Variants in SNTG1 observed in about 807,000 individuals in gnomAD.
SNTG1 encodes gamma-1-syntrophin.
A neutral mutation model predicts 74.7 loss-of-function variants in SNTG1; 39 were observed. The ratio of observed to expected loss-of-function variants is 0.52; its 90% CI spans 0.40 to 0.68. The LOEUF (loss-of-function observed/expected upper bound fraction) is 0.68. Among genes scored for constraint, SNTG1 ranks in the 30% least tolerant of loss-of-function variants. SNTG1 has a pLI of 0.00. For missense variants in SNTG1, 685 were observed against 609.5 expected (o/e 1.12, Z -1.30); for synonymous variants, 254 against 217.1 (o/e 1.17, Z -1.49).
intron 2 of SNTG1, among the ~76,000 whole-genome samples, chr8:50,233,062 G>T (rs1300250152): frequency 1.3e-5 from 2 of 151,464 alleles, no homozygotes; most frequent in African/African-American, 4.8e-5. Flanking sequence ...AGACGTTATT[G>T]TTGTAAAATT....
chr8:50,766,699 G>A (rs1585742149), intron 18 of SNTG1, among the ~76,000 whole-genome samples: 1 of 151,802 alleles, frequency 6.6e-6, no homozygotes, highest in East Asian at 1.9e-4. Context: ...AACAATTAAT[G>A]CCAAAAATTG....
intron 2 of SNTG1, among the ~76,000 whole-genome samples, chr8:50,178,428 G>A (rs1030468245): frequency 6.6e-6 from 1 of 150,688 alleles, no homozygotes; most frequent in African/African-American, 2.4e-5. Context: ...CACACACACA[G>A]GGATAGTTTA....
At chr8:50,612,532 A>C (rs2094858008) in intron 13 of SNTG1, among the ~76,000 whole-genome samples, 1 of 152,208 alleles carries the variant, frequency 6.6e-6, no homozygotes, top group Non-Finnish European at 1.5e-5. Context: ...TTAGAAAAGA[A>C]TGTTCCACCT....
chr8:50,478,650 G>A (rs937236029), intron 8 of SNTG1, among the ~76,000 whole-genome samples: 2 of 152,150 alleles, frequency 1.3e-5, no homozygotes, highest in Non-Finnish European at 1.5e-5. Context: ...TAGTGCATGT[G>A]TGTGGCTGAA....
chr8:50,195,150 T>C (rs142271011), intron 2 of SNTG1, among the ~76,000 whole-genome samples: 209 of 152,180 alleles, frequency 1.4e-3, no homozygotes, highest in African/African-American at 4.7e-3. Context: ...GAGGTTCCCA[T>C]GTCACTGGAG....
At chr8:50,188,208 C>T (rs1411023035) in intron 2 of SNTG1, among the ~76,000 whole-genome samples, 3 of 152,130 alleles carry the variant, frequency 2.0e-5, no homozygotes, top group Non-Finnish European at 1.5e-5. Flanking sequence ...ATGCTCCTTC[C>T]CTAGACTTCC....
At chr8:50,315,434 A>T (rs997135580) in intron 2 of SNTG1, among the ~76,000 whole-genome samples, 1 of 150,110 alleles carries the variant, frequency 6.7e-6, no homozygotes, top group Non-Finnish European at 1.5e-5. Flanking sequence ...GTATAGTAAA[A>T]GAAATAAAAA....
chr8:50,401,457 T>C (rs2131349263), intron 3 of SNTG1, among the ~76,000 whole-genome samples: 1 of 152,310 alleles, frequency 6.6e-6, no homozygotes, highest in East Asian at 1.9e-4. Flanking sequence ...TTACCCAAAG[T>C]ATATAAAGCA....
At chr8:50,377,939 G>A (rs1438192659) in intron 2 of SNTG1, among the ~76,000 whole-genome samples, 1 of 152,200 alleles carries the variant, frequency 6.6e-6, no homozygotes, top group African/African-American at 2.4e-5. Context: ...TAATGCTATG[G>A]GATGCTTGAG....
chr8:50,611,185 T>TG (rs752304800), intron 13 of SNTG1, among the ~76,000 whole-genome samples: 14 of 152,168 alleles, frequency 9.2e-5, no homozygotes, highest in Non-Finnish European at 1.8e-4. Context: ...ATGTATCCTT[T>TG]GGCAAAGGGT....
At chr8:50,026,311 T>C (rs1290465815) in intron 1 of SNTG1, among the ~76,000 whole-genome samples, 2 of 152,208 alleles carry the variant, frequency 1.3e-5, no homozygotes, top group Non-Finnish European at 2.9e-5. Context: ...GTTCTTGTTC[T>C]GAAAAATCTT....
intron 2 of SNTG1, among the ~76,000 whole-genome samples, chr8:50,258,869 G>A (rs1160609574): frequency 6.6e-6 from 1 of 151,916 alleles, no homozygotes; most frequent in East Asian, 1.9e-4. Context: ...CAAAGAAAAA[G>A]GAGCAAAAAA....
At chr8:50,204,723 C>A (rs1304970689) in intron 2 of SNTG1, among the ~76,000 whole-genome samples, 1 of 152,030 alleles carries the variant, frequency 6.6e-6, no homozygotes, top group African/African-American at 2.4e-5. Flanking sequence ...TCCCCACTCC[C>A]CCAACCCCAT....
chr8:50,154,594 G>A (rs10098057), intron 1 of SNTG1, among the ~76,000 whole-genome samples: 66,120 of 152,028 alleles, frequency 0.43, 18,108 homozygotes, highest in African/African-American at 0.79. Context: ...AAGTCCTGTC[G>A]TTCCTCAAAT....
chr8:50,597,768 G>T (rs77506343), intron 13 of SNTG1, among the ~76,000 whole-genome samples: 2 of 151,768 alleles, frequency 1.3e-5, no homozygotes, highest in African/African-American at 4.8e-5. Flanking sequence ...CTGGTGTGAG[G>T]TGATACCTCA....
At chr8:50,577,840 T>C (rs2094585775) in intron 12 of SNTG1, among the ~76,000 whole-genome samples, 1 of 152,172 alleles carries the variant, frequency 6.6e-6, no homozygotes, top group African/African-American at 2.4e-5. Context: ...ATGTTGAGAT[T>C]ATACAAAGAA....
At chr8:50,581,772 C>A (rs963494738) in intron 12 of SNTG1, among the ~76,000 whole-genome samples, 4 of 152,176 alleles carry the variant, frequency 2.6e-5, no homozygotes, top group Non-Finnish European at 5.9e-5. Context: ...TCTTTGGTTT[C>A]ACAGACTCAA....
chr8:50,074,387 A>T (rs922399434), intron 1 of SNTG1, among the ~76,000 whole-genome samples: 4 of 152,156 alleles, frequency 2.6e-5, no homozygotes, highest in African/African-American at 9.7e-5. Context: ...TGATCTTCTA[A>T]CTATCTAGAT....
chr8:50,705,876 GT>G (rs1426888949), intron 16 of SNTG1, among the ~76,000 whole-genome samples: 3 of 152,296 alleles, frequency 2.0e-5, no homozygotes, highest in South Asian at 4.1e-4. Flanking sequence ...AAATTAAAAG[GT>G]TTTCATGCGC....
Sources: allele counts gnomAD v4.1 joint callset (sites outside exome capture counted in the v4.1 genomes callset), GRCh38; gene constraint gnomAD v4.1.1; transcripts MANE v1.5; gene names NCBI Gene and HGNC (gene_info 2026-07-23, HGNC 2026-07-21).